Variants in MYO9A observed in about 807,000 individuals in gnomAD.
MYO9A encodes the protein myosin IXA, also known as unconventional myosin-IXa.
MYO9A carries 103 observed loss-of-function variants against 293.3 expected under a neutral mutation model. The observed-to-expected ratio is 0.35, with a 90% CI of 0.30 to 0.41. The LOEUF is 0.41. Among genes scored for constraint, MYO9A ranks in the 10% least tolerant of loss-of-function variants. The pLI is 1.00. For missense variants in MYO9A, 2,685 were observed against 3,033.0 expected, an observed-to-expected ratio of 0.89 and a Z score of 2.69; for synonymous variants, 1,001 against 1,035.7, an observed-to-expected ratio of 0.97 and a Z score of 0.64.
At chr15:72,040,801 G>T (rs1003184639) in intron 2 of MYO9A, among the ~76,000 whole-genome samples, 2 of 151,978 alleles carry the variant, frequency 1.3e-5, no homozygotes, top group Non-Finnish European at 2.9e-5. Flanking sequence ...CACAAAAAAA[G>T]AAATCAAAAG....
intron 19 of MYO9A, among the ~76,000 whole-genome samples, chr15:71,914,384 T>C (rs776362491): frequency 3.9e-5 from 6 of 152,180 alleles, no homozygotes; most frequent in Non-Finnish European, 5.9e-5. Context: ...CAATTAATCC[T>C]TTGTGAGTTC....
rs752545504 is a variant in MYO9A, at chr15:71,826,665, A to T, written c.7562T>A (p.Met2521Lys). The change falls in exon 42 of 42, where the codon ATG becomes AAG. Residue 2521 changes from methionine (M) to lysine (K), a missense_variant. Around this residue, in one of 10 missense-constraint regions of MYO9A, gnomAD observed 350 missense variants for 328.9 expected, o/e 1.06. Coordinates refer to ENST00000356056, the MANE Select transcript of MYO9A (RefSeq NM_006901.4). ...GTCCACAGTTTTTCTGCGGCCAGAC[A>T]TGACTGTCCCCTCTGGGGTCTCTTT... The part of the protein sequence containing the change: ...KTKETPEGTV[M>K]SGRRKTVDPD... 6.2e-7 allele frequency: 1 copy of T among 1,613,942 alleles called. No individual in the cohort carries two copies. The highest frequency in any genetic ancestry group is 1.3e-5 in the African/African-American group (1 of 74,982).
intron 1 of MYO9A, among the ~76,000 whole-genome samples, chr15:72,076,937 C>A (rs529101445): frequency 6.6e-6 from 1 of 151,968 alleles, no homozygotes; most frequent in African/African-American, 2.4e-5. Flanking sequence ...ATATAGTCAC[C>A]TGATCTTTGA....
chr15:71,942,437 A>C (rs1278118204), intron 15 of MYO9A, among the ~76,000 whole-genome samples: 1 of 151,930 alleles, frequency 6.6e-6, no homozygotes, highest in African/African-American at 2.4e-5. Flanking sequence ...TTAATCCATA[A>C]TGTTTTTTAA....
chr15:72,097,933 T>C (rs936209693), intron 1 of MYO9A, among the ~76,000 whole-genome samples: 50 of 151,738 alleles, frequency 3.3e-4, no homozygotes, highest in African/African-American at 1.2e-3. Flanking sequence ...AAAATAAAAA[T>C]TTTTTTAAAA....
intron 4 of MYO9A, among the ~76,000 whole-genome samples, chr15:72,022,579 T>C (rs1319178975): frequency 5.3e-5 from 8 of 152,038 alleles, no homozygotes; most frequent in Admixed American, 2.6e-4. Context: ...TGAGACAGGA[T>C]AGCTGTCACC....
intron 4 of MYO9A, among the ~76,000 whole-genome samples, chr15:72,021,428 C>T (rs1310952560): frequency 4.6e-5 from 7 of 152,178 alleles, no homozygotes; most frequent in Admixed American, 4.6e-4. Flanking sequence ...CCTATTCCAT[C>T]CCCTTGAAAA....
chr15:71,936,839 G>A (rs2929513), intron 16 of MYO9A, among the ~76,000 whole-genome samples: 83,267 of 151,642 alleles, frequency 0.55, 27,663 homozygotes, highest in Non-Finnish European at 0.73. Context: ...CTAAGATAAT[G>A]TGTCTTCCCA....
chr15:72,011,072 T>C (rs913247812), intron 6 of MYO9A, among the ~76,000 whole-genome samples: 4 of 151,864 alleles, frequency 2.6e-5, no homozygotes, highest in African/African-American at 9.7e-5. Flanking sequence ...TACAGTGGCA[T>C]GATCTTGGCT....
chr15:72,005,811 A>G (rs2076999740), intron 8 of MYO9A, among the ~76,000 whole-genome samples: 1 of 152,204 alleles, frequency 6.6e-6, no homozygotes, highest in Admixed American at 6.5e-5. Context: ...CTAAAACTAA[A>G]TTATGCTACG....
intron 32 of MYO9A, among the ~76,000 whole-genome samples, chr15:71,865,933 G>A (rs2056308307): frequency 6.6e-6 from 1 of 152,120 alleles, no homozygotes; most frequent in Non-Finnish European, 1.5e-5. Flanking sequence ...TCATTACACA[G>A]AATATTAAAG....
At chr15:72,054,613 G>A (rs2078665061) in intron 1 of MYO9A, among the ~76,000 whole-genome samples, 1 of 142,948 alleles carries the variant, frequency 7.0e-6, no homozygotes, top group Non-Finnish European at 1.5e-5. Context: ...AGACGTTGAA[G>A]TGAGTAAAGT....
At chr15:71,976,906 T>C (rs987680424) in intron 12 of MYO9A, among the ~76,000 whole-genome samples, 9 of 152,236 alleles carry the variant, frequency 5.9e-5, no homozygotes, top group African/African-American at 1.9e-4. Context: ...CTCAATACTT[T>C]CTATCTTGTC....
chr15:71,999,141 C>T (rs541678656), intron 9 of MYO9A: 10 of 152,250 alleles, frequency 6.6e-5, no homozygotes, highest in African/African-American at 2.4e-4. Flanking sequence ...ATCACAATTT[C>T]CTCACCTGTC....
At position 71,949,327 on chromosome 15, in the gene MYO9A, C is replaced by T. The variant is rs572195875; in HGVS notation, c.2302+2450G>A. 4.6e-5 allele frequency among the ~76,000 whole-genome samples: 7 copies of T among 152,020 alleles called. No homozygotes were observed. The South Asian group carries it at 8.3e-4, about 18-fold the overall frequency. On this transcript the variant is annotated intron_variant, in intron 15 of 41. Coordinates refer to ENST00000356056, the MANE Select transcript of MYO9A (RefSeq NM_006901.4). ...AAGCAATTCTTGTGCTTCAGCCACA[C>T]GAGGAGGCTGGGATTACAGGCGTGC...
chr15:71,971,805 T>A (rs1273753105), intron 12 of MYO9A, among the ~76,000 whole-genome samples: 1 of 150,118 alleles, frequency 6.7e-6, no homozygotes, highest in Non-Finnish European at 1.5e-5. Context: ...ATATATATAT[T>A]TATTTTTATA....
intron 1 of MYO9A, among the ~76,000 whole-genome samples, chr15:72,077,747 AAAAAAATAT>A (rs1391299463): frequency 0.1 from 4,627 of 44,754 alleles, 35 homozygotes; most frequent in Non-Finnish European, 0.16. Flanking sequence ...AAAAAAAAAA[AAAAAAATAT>A]ATATATATAT....
At chr15:72,103,469 AGCAGAAGCAGAAGCAGC>A (rs1450323596) in intron 1 of MYO9A, among the ~76,000 whole-genome samples, 2 of 143,694 alleles carry the variant, frequency 1.4e-5, no homozygotes, top group Non-Finnish European at 3.1e-5. Flanking sequence ...AAGAAGCAGC[AGCAGAAGCAGAAGCAGC>A]GCAGAAGCAG....
chr15:71,975,290 G>A (rs2076109336), intron 12 of MYO9A, among the ~76,000 whole-genome samples: 1 of 134,170 alleles, frequency 7.5e-6, no homozygotes, highest in Admixed American at 8.3e-5. Context: ...CGTGGCCTAT[G>A]ACATGATTTT....
Sources: allele counts gnomAD v4.1 joint callset (sites outside exome capture counted in the v4.1 genomes callset), GRCh38; gene constraint gnomAD v4.1.1; regional missense constraint gnomAD v4.1.1; transcripts MANE v1.5; gene names NCBI Gene and HGNC (gene_info 2026-07-23, HGNC 2026-07-21).